APLP2: variants seen among roughly 807,000 people sequenced by gnomAD.
APLP2 encodes CDEI box-binding protein.
Under a neutral mutation model 89.9 loss-of-function variants are expected in APLP2, and 53 were observed. The ratio of observed to expected loss-of-function variants is 0.59; its 90% CI spans 0.47 to 0.74. The LOEUF (loss-of-function observed/expected upper bound fraction) is 0.74. Among genes scored for constraint, APLP2 ranks in the 30% least tolerant of loss-of-function variants. The probability of loss-of-function intolerance (pLI) is 0.00; values close to 1 mark genes in which losing one functional copy is unlikely to be tolerated. For synonymous variants in APLP2, 372 were observed against 348.6 expected (o/e 1.07, Z -0.75); for missense variants, 973 against 975.9 (o/e 1.00, Z 0.04).
At position 130,140,456 on chromosome 11, in the gene APLP2, C is replaced by T; in HGVS notation, c.1896C>T (p.Asn632=). 1 of 1,611,544 alleles carries T rather than the reference C, an allele frequency of 6.2e-7. No homozygotes were observed. Among genetic ancestry groups the T allele is most frequent in the Non-Finnish European group, 8.5e-7 (1 of 1,178,988 alleles). Residue 632 remains asparagine, a synonymous_variant, in exon 14 of 17, where the codon AAC becomes AAT. Coordinates refer to ENST00000338167, the MANE Select transcript of APLP2 (RefSeq NM_001142276.2). ...TCGGTGCCGAAGAGAAAGTGATTAACAGTAAGAATAAAGTGGATGAAAACA... is the reference window on the plus strand; with the variant it reads ...TCGGTGCCGAAGAGAAAGTGATTAATAGTAAGAATAAAGTGGATGAAAACA... The part of the protein sequence containing the change: ...GLIGAEEKVI[N]SKNKVDENMV...
In APLP2 at chr11:130,133,745, T is replaced by C. The variant is rs781569579; in HGVS notation, c.1684+17T>C. On this transcript the variant is annotated intron_variant, in intron 12 of 16. Coordinates refer to ENST00000338167, the MANE Select transcript of APLP2 (RefSeq NM_001142276.2). ...AGGAAATTGGTGGGTACCAGCTCTT[T>C]GTGTCAAGGTCATACGGGACTTCTT... 6 of 1,582,166 alleles carry C rather than the reference T, an allele frequency of 3.8e-6. No individual in the cohort carries two copies. Among genetic ancestry groups the C allele is most frequent in the Non-Finnish European group, 5.2e-6 (6 of 1,151,040 alleles).
intron 13 of APLP2, among the ~76,000 whole-genome samples, chr11:130,137,927 C>T (rs1951825440): frequency 6.6e-6 from 1 of 152,196 alleles, no homozygotes; most frequent in Non-Finnish European, 1.5e-5. Context: ...CCATCTTAGT[C>T]CACTGAACGT....
chr11:130,103,755 T>G (rs1947260273), intron 1 of APLP2, among the ~76,000 whole-genome samples: 1 of 152,248 alleles, frequency 6.6e-6, no homozygotes, highest in Admixed American at 6.5e-5. Flanking sequence ...ATATTCACTT[T>G]TGGAATTTAA....
intron 11 of APLP2, among the ~76,000 whole-genome samples, chr11:130,130,962 T>G (rs1950880738): frequency 6.6e-6 from 1 of 152,242 alleles, no homozygotes; most frequent in Admixed American, 6.5e-5. Flanking sequence ...AGCTGCTCCA[T>G]TTGTGGAGCT....
At chr11:130,124,257 CT>C (rs1421203050) in intron 7 of APLP2, among the ~76,000 whole-genome samples, 1 of 152,202 alleles carries the variant, frequency 6.6e-6, no homozygotes, top group African/African-American at 2.4e-5. Context: ...CAGTGAAGTA[CT>C]TTGGGCAGTC....
intron 7 of APLP2, among the ~76,000 whole-genome samples, chr11:130,125,758 A>G (rs1242503478): frequency 1.3e-5 from 2 of 152,236 alleles, no homozygotes; most frequent in Non-Finnish European, 2.9e-5. Context: ...ATTGTGTCAT[A>G]ATCTATCAAG....
At position 130,123,674 on chromosome 11, in the gene APLP2, G is replaced by A. The variant is rs375730738; in HGVS notation, c.985G>A (p.Asp329Asn). 42 of 1,614,144 alleles carry A rather than the reference G, an allele frequency of 2.6e-5. No homozygotes were observed. In the East Asian group the frequency reaches 6.0e-4, roughly 23 times the overall value. ...GGCCGTGATGCCTCGTTGGTACTTC[G>A]ACCTCTCCAAGGGAAAGTGCGTGCG... ...CRAVMPRWYF[D>N]LSKGKCVRFI... The change falls in exon 7 of 17, where the codon GAC becomes AAC. Residue 329 changes from aspartate to asparagine, a missense_variant. Transcript: ENST00000338167. The surrounding 1 kb of genome is among the most constrained non-coding windows in gnomAD (Gnocchi z 4.0).
chr11:130,143,428 C>T lies in APLP2; in HGVS notation c.2236C>T (p.Leu746=). The T allele has an allele frequency of 6.2e-7, 1 of 1,614,056 alleles. No individual in the cohort carries two copies. The highest frequency in any genetic ancestry group is 1.3e-5 in the African/African-American group (1 of 75,036). Residue 746 remains leucine (L), a synonymous_variant, in exon 17 of 17, where the codon CTG becomes TTG. Coordinates refer to ENST00000338167, the MANE Select transcript of APLP2 (RefSeq NM_001142276.2). The stretch of plus-strand genomic sequence containing the variant: ...CTATGAGAACCCCACCTACAAATAC[C>T]TGGAGCAGATGCAGATTTAGGTGGC... ...HGYENPTYKY[L]EQMQI is the part of the protein sequence containing the mutation.
chr11:130,109,428 G>T lies in APLP2; in HGVS notation c.106-1G>T. 6.2e-7 allele frequency: 1 copy of T among 1,606,920 alleles called. No homozygotes were observed. Among genetic ancestry groups the T allele is most frequent in the Non-Finnish European group, 8.5e-7 (1 of 1,176,978 alleles). The stretch of plus-strand genomic sequence containing the variant: ...ACCTGCAATTTTTTTCCCTTTGGTA[G>T]GCTCTTGCAGCCAATGCCGGAACAG... On this transcript the variant is annotated splice_acceptor_variant, in intron 1 of 16. Transcript: ENST00000338167. LOFTEE classifies it high-confidence loss of function.
rs376705765 is a variant in APLP2, at chr11:130,140,382, A to G, written c.1838-16A>G. ...GGCCATCCTTGGGAACTCAGCCATG[A>G]TCTCTCTCCACACAGGATCTGGAGT... is the stretch of plus-strand genomic sequence containing the variant. On this transcript the variant is annotated splice_polypyrimidine_tract_variant and intron_variant, in intron 13 of 16. Coordinates refer to ENST00000338167, the MANE Select transcript of APLP2 (RefSeq NM_001142276.2). 32 of 1,587,704 alleles carry G rather than the reference A, an allele frequency of 2.0e-5. No homozygotes were observed. Among genetic ancestry groups the G allele is most frequent in the Non-Finnish European group, 2.7e-5 (31 of 1,168,740 alleles).
At chr11:130,136,041 T>C (rs1951547449) in intron 13 of APLP2, among the ~76,000 whole-genome samples, 1 of 152,160 alleles carries the variant, frequency 6.6e-6, no homozygotes, top group African/African-American at 2.4e-5. Context: ...CCTGTTATGG[T>C]GTTACCTTTG....
At position 130,143,628 on chromosome 11, in the gene APLP2, G is replaced by T. The variant is rs1353873152; in HGVS notation, c.*180G>T. ...CTGCAATTTCCATTCTTTTAAATGG[G>T]TGAAAAATGGTAATATAACAATATA... On this transcript the variant is annotated 3_prime_UTR_variant, in exon 17 of 17. Transcript: ENST00000338167. 1.2e-5 allele frequency: 7 copies of T among 569,326 alleles called. No homozygotes were observed. Among genetic ancestry groups the T allele is most frequent in the Non-Finnish European group, 2.2e-5 (7 of 317,700 alleles). The allele number at this position is 569,326 out of a possible 1,614,324, so 35.3% of individuals were successfully genotyped here. A position where few individuals can be genotyped will look rare whatever the true frequency, so the allele number is the denominator to read the frequency against.
chr11:130,143,874 G>C lies in APLP2; in HGVS notation c.*426G>C, dbSNP rs530834637. The C allele has an allele frequency of 6.4e-6, 1 of 156,990 alleles. No homozygotes were observed. The highest frequency in any genetic ancestry group is 2.4e-5 in the African/African-American group (1 of 41,512). 9.7% of individuals were successfully genotyped at this position (156,990 alleles called of 1,614,324 possible). On this transcript the variant is annotated 3_prime_UTR_variant, in exon 17 of 17. Coordinates refer to ENST00000338167, the MANE Select transcript of APLP2 (RefSeq NM_001142276.2). ...CTCTTCAGCCTCATTCACTGTCCTG[G>C]CTTTTATTTAAAGAAAAAAAAGGCA...
intron 7 of APLP2, among the ~76,000 whole-genome samples, chr11:130,124,079 T>A (rs1202511503): frequency 6.6e-6 from 1 of 152,152 alleles, no homozygotes; most frequent in Non-Finnish European, 1.5e-5. Flanking sequence ...CTTGTCTGGC[T>A]TTGGAGTCTG....
chr11:130,104,920 C>T (rs1947450299), intron 1 of APLP2, among the ~76,000 whole-genome samples: 1 of 152,124 alleles, frequency 6.6e-6, no homozygotes, highest in Admixed American at 6.5e-5. Context: ...GCTTCCTTCT[C>T]TTATACTAGT....
intron 1 of APLP2, among the ~76,000 whole-genome samples, chr11:130,088,281 A>C (rs1242627124): frequency 6.6e-6 from 1 of 152,338 alleles, no homozygotes; most frequent in East Asian, 1.9e-4. Context: ...AAAACCATAA[A>C]ATTTTAAGAA....
intron 1 of APLP2, among the ~76,000 whole-genome samples, chr11:130,084,837 A>G (rs941746061): frequency 1.1e-4 from 17 of 152,224 alleles, no homozygotes; most frequent in African/African-American, 3.9e-4. Context: ...AAATGAAAAC[A>G]GAATAGAAAA....
At chr11:130,070,624 C>G (rs966259226) in intron 1 of APLP2, 3 of 1,447,620 alleles carry the variant, frequency 2.1e-6, no homozygotes, top group African/African-American at 3.0e-5. Flanking sequence ...TGCTGCGAGC[C>G]CCGGGGGAGC....
chr11:130,138,340 C>T (rs1591851332), intron 13 of APLP2, among the ~76,000 whole-genome samples: 1 of 151,380 alleles, frequency 6.6e-6, no homozygotes, highest in South Asian at 2.1e-4. Context: ...TTTTATTCTA[C>T]TTGGATATGC....
Sources: gnomAD v4.1 joint callset for allele counts (sites outside exome capture counted in the v4.1 genomes callset) on GRCh38, gnomAD v4.1.1 for gene constraint, Gnocchi (gnomAD v3.1) non-coding constraint, MANE v1.5 for transcripts, NCBI Gene and HGNC (gene_info 2026-07-23, HGNC 2026-07-21) for gene names.